NIPBL: variants seen among roughly 807,000 people sequenced by gnomAD.
NIPBL encodes nipped-B-like protein.
A neutral mutation model predicts 321.8 loss-of-function variants in NIPBL; 19 were observed. The observed-to-expected ratio is 0.06, with a 90% CI of 0.04 to 0.09. The LOEUF (loss-of-function observed/expected upper bound fraction) is 0.09, where lower values mean the gene tolerates loss of function less well. NIPBL is among the 10% of genes least tolerant of loss of function. NIPBL has a pLI of 1.00. For missense variants in NIPBL, 2,210 were observed against 3,327.0 expected, an observed-to-expected ratio of 0.66 and a Z score of 8.26; for synonymous variants, 1,106 against 1,114.1, an observed-to-expected ratio of 0.99 and a Z score of 0.14.
chr5:36,948,396 A>C (rs1189802964), intron 1 of NIPBL, among the ~76,000 whole-genome samples: 3 of 151,972 alleles, frequency 2.0e-5, no homozygotes, highest in Non-Finnish European at 2.9e-5. Flanking sequence ...TAAGCATAGT[A>C]AAAGGAAAAT....
chr5:36,945,752 C>CT (rs1739598230), intron 1 of NIPBL, among the ~76,000 whole-genome samples: 1 of 152,036 alleles, frequency 6.6e-6, no homozygotes, highest in Non-Finnish European at 1.5e-5. Flanking sequence ...TTATTGGGAA[C>CT]TTTTTGTTTT....
At chr5:37,042,177 C>A (rs747042567) in intron 34 of NIPBL, among the ~76,000 whole-genome samples, 2 of 152,134 alleles carry the variant, frequency 1.3e-5, no homozygotes, top group Non-Finnish European at 2.9e-5. Flanking sequence ...TGGCTCACGC[C>A]TGTAATCCCA....
chr5:36,976,340 A>C lies in NIPBL; in HGVS notation c.1433A>C (p.Glu478Ala). ...GAATTGGATGCATTGGCTGAAATTG[A>C]GCGAATAGAGAGAGAATCAGCTATT... ...EVELDALAEI[E>A]RIERESAIER... Residue 478 changes from glutamate (E) to alanine (A), a missense_variant, in exon 9 of 47, where the codon GAG becomes GCG. Glu to Ala is a moderately radical substitution (Grantham distance 107). Around this residue, in one of 14 missense-constraint regions of NIPBL, gnomAD observed 464 missense variants for 529.5 expected, o/e 0.88. Coordinates refer to ENST00000282516, the MANE Select transcript of NIPBL (RefSeq NM_133433.4). 6.2e-7 allele frequency: 1 copy of C among 1,612,770 alleles called. No individual in the cohort carries two copies.
intron 32 of NIPBL, among the ~76,000 whole-genome samples, chr5:37,032,194 G>A (rs1334306250): frequency 2.6e-5 from 4 of 152,110 alleles, no homozygotes; most frequent in African/African-American, 7.2e-5. Context: ...TTGGTGTAGG[G>A]ACTTGAGTTA....
chr5:37,047,123 G>A (rs1753061359), intron 38 of NIPBL, among the ~76,000 whole-genome samples: 1 of 152,146 alleles, frequency 6.6e-6, no homozygotes, highest in Non-Finnish European at 1.5e-5. Context: ...GAGGATATGA[G>A]TAGATTATAT....
At chr5:36,887,762 A>G (rs1401467652) in intron 1 of NIPBL, among the ~76,000 whole-genome samples, 1 of 152,110 alleles carries the variant, frequency 6.6e-6, no homozygotes, top group Non-Finnish European at 1.5e-5. Flanking sequence ...TCCAGAATAT[A>G]TTTCTCTTCT....
intron 43 of NIPBL, among the ~76,000 whole-genome samples, chr5:37,058,249 C>T (rs777316457): frequency 2.6e-5 from 4 of 152,146 alleles, no homozygotes; most frequent in Non-Finnish European, 5.9e-5. Flanking sequence ...AATAATTTCC[C>T]AGGAGCTTTA....
intron 4 of NIPBL, 135 bp from the exon 5 acceptor site, chr5:36,961,349 T>C (rs1741603083): frequency 1.5e-6 from 1 of 671,352 alleles, no homozygotes; most frequent in African/African-American, 1.8e-5. Flanking sequence ...ACAGCGTCTA[T>C]ATTTTGCTCT....
chr5:37,044,264 T>C (rs1047968288), intron 34 of NIPBL, 83 bp from the exon 35 acceptor site: 2 of 1,334,844 alleles, frequency 1.5e-6, no homozygotes, highest in Non-Finnish European at 2.1e-6. Context: ...AAATGCCCTA[T>C]TTCTGCCCCC....
At chr5:36,881,413 C>A (rs1745492416) in intron 1 of NIPBL, among the ~76,000 whole-genome samples, 1 of 151,546 alleles carries the variant, frequency 6.6e-6, no homozygotes. Flanking sequence ...TAGGAGAGAT[C>A]ATTGCTTGAT....
intron 1 of NIPBL, among the ~76,000 whole-genome samples, chr5:36,941,255 CT>C (rs1287754863): frequency 6.6e-6 from 1 of 151,970 alleles, no homozygotes; most frequent in Non-Finnish European, 1.5e-5. Context: ...TCTAGTTTTG[CT>C]TTTGTGTTTA....
chr5:37,051,322 G>A lies in NIPBL; in HGVS notation c.6955-457G>A, dbSNP rs541308366. ...TGAATATGACTGTTATCAACTCTCT[G>A]TTCCTCAAAGCCACATCTGAAATCA... On this transcript the variant is annotated intron_variant, in intron 40 of 46. Transcript: ENST00000282516. 6 of 182,536 alleles carry A rather than the reference G, an allele frequency of 3.3e-5. No individual in the cohort carries two copies. The South Asian group carries it at 5.1e-4, about 15-fold the overall frequency. 11.3% of individuals were successfully genotyped at this position (182,536 alleles called of 1,614,324 possible).
rs16903456 is a variant in NIPBL, at chr5:37,022,688, T to C, written c.5574+298T>C. Among the ~76,000 whole-genome samples, 17,590 of 152,206 alleles carry C rather than the reference T, an allele frequency of 0.12. 1,096 individuals carry two copies. The highest frequency in any genetic ancestry group is 0.18 in the Admixed American group (2,771 of 15,282). On this transcript the variant is annotated intron_variant, in intron 29 of 46. Coordinates refer to ENST00000282516, the MANE Select transcript of NIPBL (RefSeq NM_133433.4). ...ACCACATGGGGTAGTTAAATGTTTT[T>C]GAACAAGAATCTAGAGTGATTTTAT...
At chr5:36,930,559 A>G (rs749989439) in intron 1 of NIPBL, among the ~76,000 whole-genome samples, 67 of 152,006 alleles carry the variant, frequency 4.4e-4, no homozygotes, top group Admixed American at 2.7e-3. Flanking sequence ...TTTTTCTTAA[A>G]ATGTGTTACT....
chr5:37,025,149 A>C (rs1750112355), intron 30 of NIPBL, among the ~76,000 whole-genome samples: 1 of 152,186 alleles, frequency 6.6e-6, no homozygotes, highest in Non-Finnish European at 1.5e-5. Context: ...GCTACTCTAG[A>C]GATTGACACA....
intron 1 of NIPBL, among the ~76,000 whole-genome samples, chr5:36,904,343 G>T (rs561187708): frequency 6.6e-6 from 1 of 152,208 alleles, no homozygotes; most frequent in Admixed American, 6.5e-5. Context: ...GGTGGCGTGT[G>T]CCTGTAATCC....
intron 24 of NIPBL, among the ~76,000 whole-genome samples, chr5:37,018,851 G>T (rs1353405358): frequency 1.3e-5 from 2 of 152,038 alleles, no homozygotes; most frequent in Non-Finnish European, 2.9e-5. Flanking sequence ...CGGGCGCAGT[G>T]GCTTACACCT....
chr5:36,988,585 A>G (rs531466156), intron 10 of NIPBL, among the ~76,000 whole-genome samples: 1 of 151,736 alleles, frequency 6.6e-6, no homozygotes, highest in South Asian at 2.1e-4. Flanking sequence ...GTAATTGTGG[A>G]TTTTTTAAAA....
intron 1 of NIPBL, among the ~76,000 whole-genome samples, chr5:36,925,740 T>C (rs1426062666): frequency 6.6e-6 from 1 of 152,220 alleles, no homozygotes. Flanking sequence ...AGGCTGTTTC[T>C]TCTTGAGGCT....
Sources: gnomAD v4.1 joint callset for allele counts (sites outside exome capture counted in the v4.1 genomes callset) on GRCh38, gnomAD v4.1.1 for gene constraint, gnomAD v4.1.1 regional missense constraint, MANE v1.5 for transcripts, NCBI Gene and HGNC (gene_info 2026-07-23, HGNC 2026-07-21) for gene names.